The following IQCH variants were observed in gnomAD, a reference collection of about 807,000 sequenced individuals.
IQCH encodes the protein IQ domain-containing protein H.
IQCH carries 98 observed loss-of-function variants against 117.0 expected under a neutral mutation model. The observed-to-expected ratio is 0.84, with a 90% CI of 0.71 to 0.99. The LOEUF (loss-of-function observed/expected upper bound fraction) is 0.99. Among genes scored for constraint, IQCH ranks in the 50% least tolerant of loss-of-function variants. The pLI is 0.00. For synonymous variants in IQCH, 412 were observed against 448.2 expected (o/e 0.92, Z 1.02); for missense variants, 1,102 against 1,243.8 (o/e 0.89, Z 1.72).
chr15:67,266,484 G>A (rs937260984), intron 3 of IQCH, among the ~76,000 whole-genome samples: 13 of 152,054 alleles, frequency 8.5e-5, no homozygotes, highest in East Asian at 3.9e-4. Flanking sequence ...GTGAAACCCC[G>A]TCTCTATTAA....
chr15:67,353,010 G>A (rs1010648782), intron 6 of IQCH, among the ~76,000 whole-genome samples: 1 of 152,152 alleles, frequency 6.6e-6, no homozygotes, highest in African/African-American at 2.4e-5. Context: ...GCCAGGCGTG[G>A]TGGTGCGCAC....
chr15:67,456,026 T>C lies in IQCH; in HGVS notation c.2506-9101T>C, dbSNP rs1240608722. 6.6e-6 allele frequency among the ~76,000 whole-genome samples: 1 copy of C among 152,202 alleles called. No homozygotes were observed. Among genetic ancestry groups the C allele is most frequent in the African/African-American group, 2.4e-5 (1 of 41,434 alleles). ...AAGAAATGAGTATATTCTGTATCTT[T>C]ATAAATAATAGTTGGGCCATTGGTC... On this transcript the variant is annotated intron_variant, in intron 16 of 20. Coordinates refer to ENST00000335894, the MANE Select transcript of IQCH (RefSeq NM_001031715.3). This position sits in a 1 kb window ranked among gnomAD's most constrained non-coding sequence, Gnocchi z 5.1.
chr15:67,374,332 T>C lies in IQCH; in HGVS notation c.1372+899T>C, dbSNP rs1016182803. The stretch of plus-strand genomic sequence containing the variant: ...CTTTGTTACATACATATTAGCTCTT[T>C]GTTAAAGTCTTTTAAGTAGAGCAAT... On this transcript the variant is annotated intron_variant, in intron 10 of 20. Coordinates refer to ENST00000335894, the MANE Select transcript of IQCH (RefSeq NM_001031715.3). Among the ~76,000 whole-genome samples, 4 of 152,224 alleles carry C rather than the reference T, an allele frequency of 2.6e-5. No individual in the cohort carries two copies. The South Asian group carries it at 6.2e-4, about 24-fold the overall frequency.
chr15:67,460,468 TCTAATTATATCAGA>T (rs2082764673), intron 16 of IQCH, among the ~76,000 whole-genome samples: 1 of 152,236 alleles, frequency 6.6e-6, no homozygotes, highest in African/African-American at 2.4e-5. Flanking sequence ...AACCACTGTC[TCTAATTATATCAGA>T]CTATCCCATC....
chr15:67,462,277 A>G (rs904919240), intron 16 of IQCH, among the ~76,000 whole-genome samples: 1 of 151,784 alleles, frequency 6.6e-6, no homozygotes, highest in African/African-American at 2.4e-5. Flanking sequence ...AAATACAAAA[A>G]AATTAGCTGG....
At chr15:67,489,387 G>A (rs977935432) in intron 18 of IQCH, among the ~76,000 whole-genome samples, 9 of 151,882 alleles carry the variant, frequency 5.9e-5, no homozygotes, top group Non-Finnish European at 1.2e-4. Flanking sequence ...GTGCAATGGC[G>A]TGACCTCGGC....
At chr15:67,439,269 C>T (rs1271655333) in intron 16 of IQCH, among the ~76,000 whole-genome samples, 1 of 152,142 alleles carries the variant, frequency 6.6e-6, no homozygotes, top group Non-Finnish European at 1.5e-5. Context: ...CAAAACCATG[C>T]AAATACATGG....
rs1271081739 is a variant in IQCH, at chr15:67,385,683, G to A, written c.1456+664G>A. 6.6e-6 allele frequency among the ~76,000 whole-genome samples: 1 copy of A among 152,132 alleles called. No individual in the cohort carries two copies. Among genetic ancestry groups the A allele is most frequent in the Admixed American group, 6.6e-5 (1 of 15,256 alleles). On this transcript the variant is annotated intron_variant, in intron 11 of 20. Transcript: ENST00000335894. The surrounding 1 kb of genome is among the most constrained non-coding windows in gnomAD (Gnocchi z 4.6). ...GATAGCTTTGGTTGACACTGTTCAA[G>A]GCCCGGGTTCCGATTAGGCTCTAAG...
intron 13 of IQCH, among the ~76,000 whole-genome samples, chr15:67,398,602 C>T (rs1001012551): frequency 2.6e-5 from 4 of 152,066 alleles, no homozygotes; most frequent in South Asian, 4.1e-4. Flanking sequence ...TATAGTATCC[C>T]CAGGAAGATT....
intron 10 of IQCH, among the ~76,000 whole-genome samples, chr15:67,380,211 A>G (rs1970879487): frequency 6.6e-6 from 1 of 152,220 alleles, no homozygotes; most frequent in Non-Finnish European, 1.5e-5. Flanking sequence ...GTTGCATGCA[A>G]TGCTGTGCTA....
chr15:67,370,571 G>A lies in IQCH; in HGVS notation c.754-1540G>A, dbSNP rs1970491164. Among the ~76,000 whole-genome samples the A allele has an allele frequency of 6.6e-6, 1 of 152,182 alleles. No homozygotes were observed. The highest frequency in any genetic ancestry group is 1.5e-5 in the Non-Finnish European group (1 of 68,032). On this transcript the variant is annotated intron_variant, in intron 8 of 20. Coordinates refer to ENST00000335894, the MANE Select transcript of IQCH (RefSeq NM_001031715.3). The surrounding 1 kb of genome is among the most constrained non-coding windows in gnomAD (Gnocchi z 5.6). Reference sequence around the variant, plus strand: ...TCTCCTGCCAGCACTGGTGGCTGCTGAAGGGGGCATTACTTCTCCAACTTT... The same window carrying A: ...TCTCCTGCCAGCACTGGTGGCTGCTAAAGGGGGCATTACTTCTCCAACTTT...
At chr15:67,300,408 A>G (rs1966966431) in intron 4 of IQCH, among the ~76,000 whole-genome samples, 1 of 152,188 alleles carries the variant, frequency 6.6e-6, no homozygotes, top group African/African-American at 2.4e-5. Flanking sequence ...TTTACAAATG[A>G]GAAATCTAGA....
In IQCH at chr15:67,319,187, A is replaced by G. The variant is rs533797828; in HGVS notation, c.388-17788A>G. ...GCTTGCAGTGAGCCGAGATGGGGCC[A>G]CTGCACTCCAGCCTGGTGACAGAGT... is the stretch of plus-strand genomic sequence containing the variant. On this transcript the variant is annotated intron_variant, in intron 4 of 20. Coordinates refer to ENST00000335894, the MANE Select transcript of IQCH (RefSeq NM_001031715.3). Among the ~76,000 whole-genome samples, 81 of 152,352 alleles carry G rather than the reference A, an allele frequency of 5.3e-4. 1 individual carries two copies. The highest frequency in any genetic ancestry group is 1.9e-3 in the African/African-American group (80 of 41,584).
At chr15:67,373,745 T>A in intron 10 of IQCH, 1 of 449,052 alleles carries the variant, frequency 2.2e-6, no homozygotes, top group Non-Finnish European at 4.0e-6. Context: ...ATGTTTTCGA[T>A]CTTCTTTAAT....
chr15:67,498,575 C>A (rs2141115341), intron 20 of IQCH, among the ~76,000 whole-genome samples: 1 of 150,160 alleles, frequency 6.7e-6, no homozygotes, highest in African/African-American at 2.5e-5. Flanking sequence ...GAGATTGCAC[C>A]ACTGCACTCC....
intron 6 of IQCH, among the ~76,000 whole-genome samples, chr15:67,353,608 C>T (rs1969765709): frequency 6.6e-6 from 1 of 152,100 alleles, no homozygotes; most frequent in African/African-American, 2.4e-5. Flanking sequence ...AATCCGCCCA[C>T]CTTGCCCTCC....
chr15:67,354,235 AT>A (rs1477555927), intron 6 of IQCH, among the ~76,000 whole-genome samples: 4 of 152,202 alleles, frequency 2.6e-5, no homozygotes, highest in African/African-American at 9.7e-5. Context: ...AAACATTAAC[AT>A]TTTTTAAATG....
At position 67,392,390 on chromosome 15, in the gene IQCH, A is replaced by C. The variant is rs986448923; in HGVS notation, c.1633-2901A>C. 1.4e-4 allele frequency among the ~76,000 whole-genome samples: 21 copies of C among 152,210 alleles called. 1 individual carries two copies. The highest frequency in any genetic ancestry group is 1.5e-5 in the Non-Finnish European group (1 of 68,038). On this transcript the variant is annotated intron_variant, in intron 12 of 20. Transcript: ENST00000335894. ...AGGAAGAAAGACAGTGACTAACCAG[A>C]TGGGAAAGACAAACCTGCCAGGTGT...
intron 17 of IQCH, among the ~76,000 whole-genome samples, chr15:67,468,312 G>A (rs540843913): frequency 1.4e-4 from 22 of 152,292 alleles, no homozygotes; most frequent in Non-Finnish European, 2.9e-5. Context: ...GAATGATTAA[G>A]TAAAACCTTT....
Sources: allele counts gnomAD v4.1 joint callset (sites outside exome capture counted in the v4.1 genomes callset), GRCh38; gene constraint gnomAD v4.1.1; non-coding constraint Gnocchi (gnomAD v3.1); transcripts MANE v1.5; gene names NCBI Gene and HGNC (gene_info 2026-07-23, HGNC 2026-07-21).